PYGB: variants seen among roughly 807,000 people sequenced by gnomAD.
PYGB encodes glycogen phosphorylase B, also known as glycogen phosphorylase, brain form.
Under a neutral mutation model 94.3 loss-of-function variants are expected in PYGB, and 82 were observed. That is an observed-to-expected ratio of 0.87 (90% CI 0.73 to 1.04). The LOEUF is 1.04. Ranked by LOEUF, PYGB falls within the 50% of genes least tolerant of loss-of-function variation. PYGB has a pLI of 0.00. For synonymous variants in PYGB, 488 were observed against 479.1 expected (o/e 1.02, Z -0.24); for missense variants, 1,132 against 1,158.2 (o/e 0.98, Z 0.33).
intron 19 of PYGB, 133 bp from the exon 20 acceptor site, chr20:25,296,237 G>A (rs2088541881): frequency 9.1e-7 from 1 of 1,095,672 alleles, no homozygotes; most frequent in Admixed American, 2.1e-5. Flanking sequence ...TGATTGTAAT[G>A]TCCTCCTCTT....
In PYGB at chr20:25,270,270, C is replaced by T. The variant is rs537568650; in HGVS notation, c.424+1063C>T. On this transcript the variant is annotated intron_variant, in intron 3 of 19. Transcript: ENST00000216962. ...CAGGCTGGAGTGCAGTGGGTGATCT[C>T]GGCTCACTGCAAGCTCCGCCTCCCG... is the stretch of plus-strand genomic sequence containing the variant. Among the ~76,000 whole-genome samples, 14 of 144,014 alleles carry T rather than the reference C, an allele frequency of 9.7e-5. No homozygotes were observed. In the South Asian group the frequency reaches 1.3e-3, roughly 14 times the overall value. The allele number at this position is 144,014 out of a possible 152,430, so 94.5% of individuals were successfully genotyped here. A position where few individuals can be genotyped will look rare whatever the true frequency, so the allele number is the denominator to read the frequency against.
At chr20:25,291,203 G>C (rs1373273991) in intron 16 of PYGB, among the ~76,000 whole-genome samples, 1 of 152,236 alleles carries the variant, frequency 6.6e-6, no homozygotes, top group Admixed American at 6.5e-5. Context: ...TGCCTCATCT[G>C]TGCTTCCTGA....
At position 25,297,645 on chromosome 20, in the gene PYGB, A is replaced by G. The variant is rs1450806349; in HGVS notation, c.*1123A>G. 6.6e-6 allele frequency: 1 copy of G among 152,286 alleles called. No homozygotes were observed. Among genetic ancestry groups the G allele is most frequent in the Non-Finnish European group, 1.5e-5 (1 of 68,098 alleles). 9.4% of individuals were successfully genotyped at this position (152,286 alleles called of 1,614,324 possible). A position where few individuals can be genotyped will look rare whatever the true frequency, so the allele number is the denominator to read the frequency against. On this transcript the variant is annotated 3_prime_UTR_variant, in exon 20 of 20. Coordinates refer to ENST00000216962, the MANE Select transcript of PYGB (RefSeq NM_002862.4). ...CCCCAAGGCTGGCAACCTGCCTCCCATTGCCCAAGAGAGAGGGCAGGGAAC... is the reference window on the plus strand; with the variant it reads ...CCCCAAGGCTGGCAACCTGCCTCCCGTTGCCCAAGAGAGAGGGCAGGGAAC...
At chr20:25,277,821 G>C (rs1217084596) in intron 7 of PYGB, among the ~76,000 whole-genome samples, 2 of 152,242 alleles carry the variant, frequency 1.3e-5, no homozygotes, top group Non-Finnish European at 2.9e-5. Flanking sequence ...GTTCCCCACT[G>C]CCACCTGCAT....
In PYGB at chr20:25,271,486, G is replaced by C; in HGVS notation, c.528G>C (p.Gln176His). The change falls in exon 4 of 20, where the codon CAG becomes CAC. Residue 176 changes from glutamine (Q) to histidine (H), a missense_variant and splice_region_variant. By Grantham distance (24) the Gln-to-His change is conservative. Transcript: ENST00000216962. ...IFNQKIVNGW[Q>H]VEEADDWLRY... ...ACCAGAAGATTGTCAATGGCTGGCA[G>C]GTGGGTGAGATTTCATTTCTTCACT... is the stretch of plus-strand genomic sequence containing the variant. 1 of 1,610,726 alleles carries C rather than the reference G, an allele frequency of 6.2e-7. No individual in the cohort carries two copies. The highest frequency in any genetic ancestry group is 8.5e-7 in the Non-Finnish European group (1 of 1,176,832).
intron 17 of PYGB, among the ~76,000 whole-genome samples, chr20:25,293,185 G>A (rs2088488527): frequency 6.6e-6 from 1 of 151,860 alleles, no homozygotes; most frequent in Non-Finnish European, 1.5e-5. Context: ...AGGGGAGGAG[G>A]GAATCCTGAA....
At chr20:25,255,802 C>T (rs1045141705) in intron 1 of PYGB, among the ~76,000 whole-genome samples, 10 of 151,596 alleles carry the variant, frequency 6.6e-5, no homozygotes, top group Admixed American at 5.3e-4. Context: ...GGCGCGATCT[C>T]TACTCACTGC....
At chr20:25,258,104 G>A (rs2092906182) in intron 1 of PYGB, among the ~76,000 whole-genome samples, 1 of 152,148 alleles carries the variant, frequency 6.6e-6, no homozygotes, top group Non-Finnish European at 1.5e-5. Context: ...GATCAAAAAA[G>A]TAAAAACAGG....
At chr20:25,292,173 G>T (rs1305951460) in intron 16 of PYGB, among the ~76,000 whole-genome samples, 1 of 152,176 alleles carries the variant, frequency 6.6e-6, no homozygotes, top group Non-Finnish European at 1.5e-5. Context: ...CCCCCATCTT[G>T]GACCTTCTGC....
intron 2 of PYGB, among the ~76,000 whole-genome samples, chr20:25,266,105 C>A (rs2088216216): frequency 6.6e-6 from 1 of 152,200 alleles, no homozygotes; most frequent in Non-Finnish European, 1.5e-5. Context: ...CCTGCCTTGG[C>A]CTCCCAAAGT....
intron 2 of PYGB, among the ~76,000 whole-genome samples, chr20:25,262,293 G>T (rs985927485): frequency 1.7e-4 from 26 of 151,960 alleles, no homozygotes; most frequent in African/African-American, 6.0e-4. Flanking sequence ...CGCAGAAACT[G>T]CAAGCCAGAA....
intron 1 of PYGB, among the ~76,000 whole-genome samples, chr20:25,250,722 C>T (rs1289592466): frequency 6.6e-6 from 1 of 152,178 alleles, no homozygotes; most frequent in African/African-American, 2.4e-5. Flanking sequence ...CTCAGACATT[C>T]ACCGGCACAC....
At chr20:25,275,710 G>A (rs1020533282) in intron 5 of PYGB, among the ~76,000 whole-genome samples, 5 of 152,330 alleles carry the variant, frequency 3.3e-5, no homozygotes, top group South Asian at 2.1e-4. Context: ...CTGGAGAACC[G>A]GGACATTCCA....
In PYGB at chr20:25,290,621, A is replaced by G. The variant is rs775259688; in HGVS notation, c.1968A>G (p.Lys656=). The G allele has an allele frequency of 3.8e-6, 6 of 1,595,484 alleles. No homozygotes were observed. In the East Asian group the frequency reaches 6.8e-5, roughly 18 times the overall value. Residue 656 remains lysine (K), a splice_region_variant and synonymous_variant, in exon 16 of 20, where the codon AAA becomes AAG. Coordinates refer to ENST00000216962, the MANE Select transcript of PYGB (RefSeq NM_002862.4). ...LENYRVSLAE[K]VIPAADLSQQ... ...ACTACCGTGTGTCCTTGGCTGAGAA[A>G]GGTAACCCTGGAAGCCTGTGTTGGA...
At chr20:25,280,548 G>T (rs2088357115) in intron 10 of PYGB, 136 bp downstream of exon 10, 2 of 1,257,084 alleles carry the variant, frequency 1.6e-6, no homozygotes, top group South Asian at 2.9e-5. Context: ...TTGGGGCTGG[G>T]GGCTGTCCCT....
intron 19 of PYGB, 86 bp downstream of exon 19, chr20:25,295,756 GAGT>G: frequency 6.9e-7 from 1 of 1,439,042 alleles, no homozygotes; most frequent in Non-Finnish European, 9.8e-7. Context: ...TTCCCAAGCT[GAGT>G]AGATTCTTGG....
intron 13 of PYGB, 96 bp from the exon 14 acceptor site, chr20:25,284,005 TGCG>T: frequency 2.1e-6 from 3 of 1,445,638 alleles, no homozygotes; most frequent in Non-Finnish European, 2.8e-6. Flanking sequence ...GCCCCCTCCC[TGCG>T]GCACTCTTCA....
rs201558534 is a variant in PYGB at position 25,294,179 on chromosome 20, C to T, written c.2199C>T (p.Tyr733=). Residue 733 remains tyrosine (Y), a synonymous_variant, in exon 18 of 20, where the codon TAC becomes TAT. Coordinates refer to ENST00000216962, the MANE Select transcript of PYGB (RefSeq NM_002862.4). ...DRKGYNAREY[Y]DHLPELKQAV... ...ACAGGTACAATGCCAGGGAGTACTA[C>T]GACCACCTGCCCGAGCTGAAGCAGG... The T allele has an allele frequency of 2.0e-5, 33 of 1,613,834 alleles. No individual in the cohort carries two copies. In the East Asian group the frequency reaches 4.9e-4, roughly 24 times the overall value.
chr20:25,272,846 A>G (rs958275000), intron 4 of PYGB, among the ~76,000 whole-genome samples: 8 of 152,206 alleles, frequency 5.3e-5, no homozygotes, highest in Non-Finnish European at 1.2e-4. Context: ...GTGTGGGTTT[A>G]TAAGGCAGAA....
Sources: gnomAD v4.1 joint callset for allele counts (sites outside exome capture counted in the v4.1 genomes callset) on GRCh38, gnomAD v4.1.1 for gene constraint, MANE v1.5 for transcripts, NCBI Gene and HGNC (gene_info 2026-07-23, HGNC 2026-07-21) for gene names.